The following RBL1 variants were observed in gnomAD, a reference collection of about 807,000 sequenced individuals.
RBL1 encodes retinoblastoma-like protein 1.
RBL1 carries 82 observed loss-of-function variants against 123.0 expected under a neutral mutation model. That is an observed-to-expected ratio of 0.67 (90% CI 0.56 to 0.80). The LOEUF (loss-of-function observed/expected upper bound fraction) is 0.80. Ranked by LOEUF, RBL1 falls within the 30% of genes least tolerant of loss-of-function variation. The pLI is 0.00. For missense variants in RBL1, 1,171 were observed against 1,299.6 expected (o/e 0.90, Z 1.52); for synonymous variants, 405 against 441.3 (o/e 0.92, Z 1.03).
Position 36,998,770 on chromosome 20 carries a change from C to T in RBL1, c.3196G>A (p.Ala1066Thr). The T allele has an allele frequency of 6.2e-7, 1 of 1,610,254 alleles. No individual in the cohort carries two copies. The highest frequency in any genetic ancestry group is 8.5e-7 in the Non-Finnish European group (1 of 1,178,450). The change falls in exon 22 of 22, where the codon GCA (alanine) becomes ACA (threonine). Residue 1066 changes from alanine (A) to threonine (T), a missense_variant. By Grantham distance (58) the Ala-to-Thr change is moderately conservative (BLOSUM62 0). Coordinates refer to ENST00000373664, the MANE Select transcript of RBL1 (RefSeq NM_002895.5). The stretch of plus-strand genomic sequence containing the variant: ...AAACAAGAACAACATTAATGATTTG[C>T]TCTTTCACTGACAACATCCTGTAGT... ...KRLQDVVSER[A>T]NH
At chr20:37,013,209 T>C (rs2064192916) in intron 19 of RBL1, among the ~76,000 whole-genome samples, 1 of 151,958 alleles carries the variant, frequency 6.6e-6, no homozygotes, top group African/African-American at 2.4e-5. Context: ...TAGAAAGAGG[T>C]AGACATGGGA....
chr20:37,034,371 A>G (rs1011834686), intron 15 of RBL1, among the ~76,000 whole-genome samples: 7 of 152,114 alleles, frequency 4.6e-5, no homozygotes, highest in African/African-American at 1.7e-4. Flanking sequence ...ATTGGAAAAA[A>G]AAGCATTTTT....
In RBL1 at chr20:37,094,076, A is replaced by C. The variant is rs577112638; in HGVS notation, c.156+1697T>G. Among the ~76,000 whole-genome samples the C allele has an allele frequency of 2.0e-5, 3 of 152,336 alleles. No homozygotes were observed. In the South Asian group the frequency reaches 6.2e-4, roughly 32 times the overall value. ...TTTCCTGGTGTTGGGGGTGAGGGGA[A>C]ATATTCCAGGCAGAGGGAATGGCAT... On this transcript the variant is annotated intron_variant, in intron 1 of 21. Coordinates refer to ENST00000373664, the MANE Select transcript of RBL1 (RefSeq NM_002895.5).
chr20:37,083,992 T>C (rs2065500853), intron 2 of RBL1, among the ~76,000 whole-genome samples: 1 of 149,812 alleles, frequency 6.7e-6, no homozygotes. Flanking sequence ...CACTGCAGCC[T>C]CCACCTCCTG....
Position 37,078,067 on chromosome 20 carries a change from C to A in RBL1, c.291-9881G>T, listed in dbSNP as rs140276010. 5.4e-3 allele frequency among the ~76,000 whole-genome samples: 826 copies of A among 152,196 alleles called. 8 individuals carry two copies. Among genetic ancestry groups the A allele is most frequent in the African/African-American group, 0.019 (783 of 41,506 alleles). The stretch of plus-strand genomic sequence containing the variant: ...AATTGGTCAGTTATTTGTAGTATGT[C>A]CCTAATTTGGGTTTGTCTCATGCTT... On this transcript the variant is annotated intron_variant, in intron 2 of 21. Coordinates refer to ENST00000373664, the MANE Select transcript of RBL1 (RefSeq NM_002895.5).
At chr20:37,015,034 GC>G (rs2064226980) in intron 19 of RBL1, among the ~76,000 whole-genome samples, 1 of 144,090 alleles carries the variant, frequency 6.9e-6, no homozygotes, top group African/African-American at 2.6e-5. Context: ...TTGCACTCCA[GC>G]CTGGGCAACA....
intron 13 of RBL1, among the ~76,000 whole-genome samples, chr20:37,042,907 C>G (rs868456477): frequency 1.9e-5 from 1 of 53,320 alleles, no homozygotes; most frequent in Non-Finnish European, 3.7e-5. Flanking sequence ...CCCCCCCCTC[C>G]AAAAAAAAAA....
At position 37,093,720 on chromosome 20, in the gene RBL1, C is replaced by A. The variant is rs185354607; in HGVS notation, c.156+2053G>T. On this transcript the variant is annotated intron_variant, in intron 1 of 21. Transcript: ENST00000373664. ...GCAATGGCGTGATCTTGGCTCACTGCAACCTCTACCTCCTGGTTTCAAGAG... is the reference window on the plus strand; with the variant it reads ...GCAATGGCGTGATCTTGGCTCACTGAAACCTCTACCTCCTGGTTTCAAGAG... 6.7e-4 allele frequency among the ~76,000 whole-genome samples: 101 copies of A among 150,970 alleles called. 1 individual carries two copies. The East Asian group carries it at 0.016, about 24-fold the overall frequency.
rs754340858 is a variant in RBL1 at position 37,095,823 on chromosome 20, C to T, written c.106G>A (p.Ala36Thr). ...QELNLDEGSA[A>T]EALDDFTAIR... ...GCAGTAAAGTCGTCCAGGGCTTCGGCCGCGCTCCCCTCGTCCAGGTTCAGC... is the reference window on the plus strand; with the variant it reads ...GCAGTAAAGTCGTCCAGGGCTTCGGTCGCGCTCCCCTCGTCCAGGTTCAGC... Residue 36 changes from alanine to threonine, a missense_variant, in exon 1 of 22, where the codon GCC (alanine) becomes ACC (threonine). Coordinates refer to ENST00000373664, the MANE Select transcript of RBL1 (RefSeq NM_002895.5). The T allele has an allele frequency of 5.0e-6, 8 of 1,609,234 alleles. No individual in the cohort carries two copies. Among genetic ancestry groups the T allele is most frequent in the Admixed American group, 3.3e-5 (2 of 59,706 alleles).
At chr20:37,053,359 A>G (rs555022162) in intron 11 of RBL1, among the ~76,000 whole-genome samples, 1 of 152,248 alleles carries the variant, frequency 6.6e-6, no homozygotes, top group South Asian at 2.1e-4. Context: ...CTCTCTGGGT[A>G]CTCTGGTTTC....
Position 37,034,716 on chromosome 20 carries a change from A to G in RBL1, c.2170+526T>C, listed in dbSNP as rs561090548. Among the ~76,000 whole-genome samples the G allele has an allele frequency of 1.1e-4, 17 of 152,114 alleles. No individual in the cohort carries two copies. In the South Asian group the frequency reaches 3.5e-3, roughly 32 times the overall value. ...AAAAAAGAAGAAAAGAAAAAGTAAA[A>G]TAAGTCTAAACAAACAGAGAGGGTA... On this transcript the variant is annotated intron_variant, in intron 15 of 21. Coordinates refer to ENST00000373664, the MANE Select transcript of RBL1 (RefSeq NM_002895.5).
At chr20:37,048,969 AG>A (rs572891112) in intron 11 of RBL1, among the ~76,000 whole-genome samples, 2 of 150,828 alleles carry the variant, frequency 1.3e-5, no homozygotes, top group African/African-American at 4.9e-5. Flanking sequence ...TGGGAGGCCG[AG>A]GGGGGTGGAT....
chr20:37,055,578 C>A lies in RBL1; in HGVS notation c.1442G>T (p.Arg481Leu), dbSNP rs1004965315. The change falls in exon 11 of 22, where the codon CGA becomes CTA. Residue 481 changes from arginine to leucine, a missense_variant. Arg to Leu is a moderately radical substitution (Grantham distance 102). Coordinates refer to ENST00000373664, the MANE Select transcript of RBL1 (RefSeq NM_002895.5). Reference sequence around the variant, plus strand: ...TGACATGTCCATTCCATGAAGTCTTCGTGTTTCCTGAACCATTACAGTCTC... The same window carrying A: ...TGACATGTCCATTCCATGAAGTCTTAGTGTTTCCTGAACCATTACAGTCTC... The part of the protein sequence containing the change: ...ILETVMVQET[R>L]RLHGMDMSVL... 6.2e-7 allele frequency: 1 copy of A among 1,614,040 alleles called. No individual in the cohort carries two copies. Among genetic ancestry groups the A allele is most frequent in the East Asian group, 2.2e-5 (1 of 44,882 alleles).
rs2064694933 is a variant in RBL1 at position 37,040,074 on chromosome 20, A to G, written c.1903+79T>C. 5 of 1,578,738 alleles carry G rather than the reference A, an allele frequency of 3.2e-6. No individual in the cohort carries two copies. In the East Asian group the frequency reaches 9.0e-5, roughly 28 times the overall value. On this transcript the variant is annotated intron_variant, in intron 14 of 21. Transcript: ENST00000373664. Reference sequence around the variant, plus strand: ...AATTAGATTTCTTAATAACATACTCACAAGACTTAAAATTTTCCCTGAAAA... The same window carrying G: ...AATTAGATTTCTTAATAACATACTCGCAAGACTTAAAATTTTCCCTGAAAA...
At chr20:37,083,732 G>A (rs939299037) in intron 2 of RBL1, among the ~76,000 whole-genome samples, 1 of 149,682 alleles carries the variant, frequency 6.7e-6, no homozygotes, top group Non-Finnish European at 1.5e-5. Flanking sequence ...TTGAACCCAG[G>A]AGGAGGAGGC....
chr20:37,091,665 CAAAAAA>C (rs11421608), intron 1 of RBL1, among the ~76,000 whole-genome samples: 1 of 105,930 alleles, frequency 9.4e-6, no homozygotes, highest in Non-Finnish European at 2.0e-5. Flanking sequence ...GACTCTATCT[CAAAAAA>C]AAAAAAAAAA....
At chr20:37,007,183 G>C (rs2064089083) in intron 20 of RBL1, among the ~76,000 whole-genome samples, 1 of 152,092 alleles carries the variant, frequency 6.6e-6, no homozygotes, top group African/African-American at 2.4e-5. Context: ...CTGGAAGCAA[G>C]GGTTGCAGTG....
intron 1 of RBL1, 108 bp from the exon 2 acceptor site, chr20:37,089,230 G>A (rs988180400): frequency 7.2e-6 from 8 of 1,117,738 alleles, no homozygotes; most frequent in Non-Finnish European, 9.8e-6. Context: ...TCCTTATGTA[G>A]ATAAAGGGCC....
Position 37,061,289 on chromosome 20 carries a change from C to T in RBL1, c.1084-20G>A, listed in dbSNP as rs1338661244. On this transcript the variant is annotated intron_variant, in intron 8 of 21. Transcript: ENST00000373664. ...CCTTTTCTGTCAGAAAAGAAAAATCCGTGAGTTTTTAAAAGTTACCATCTT... is the reference window on the plus strand; with the variant it reads ...CCTTTTCTGTCAGAAAAGAAAAATCTGTGAGTTTTTAAAAGTTACCATCTT... The T allele has an allele frequency of 2.2e-5, 36 of 1,602,716 alleles. No individual in the cohort carries two copies. The highest frequency in any genetic ancestry group is 1.7e-4 in the Middle Eastern group (1 of 6,024).
Sources: gnomAD v4.1 joint callset for allele counts (sites outside exome capture counted in the v4.1 genomes callset) on GRCh38, gnomAD v4.1.1 for gene constraint, MANE v1.5 for transcripts, NCBI Gene and HGNC (gene_info 2026-07-23, HGNC 2026-07-21) for gene names.